Variants in ACSF3 observed in about 807,000 individuals in gnomAD.
The protein encoded by ACSF3 is malonate--CoA ligase ACSF3, mitochondrial.
In ACSF3, 78 loss-of-function variants were observed where a neutral mutation model predicts 53.2. That is an observed-to-expected ratio of 1.47 (90% confidence interval 1.22 to 1.77). The LOEUF (loss-of-function observed/expected upper bound fraction) is 1.77, where lower values mean the gene tolerates loss of function less well. ACSF3 is among the 40% of genes most tolerant of loss of function. ACSF3 has a pLI of 0.00. For missense variants in ACSF3, 937 were observed against 771.1 expected, an observed-to-expected ratio of 1.22 and a Z score of -2.55; for synonymous variants, 414 against 333.1, an observed-to-expected ratio of 1.24 and a Z score of -2.65.
rs983041055 is a variant in ACSF3 at position 89,098,738 on chromosome 16, C to T, written c.-46C>T. On this transcript the variant is annotated 5_prime_UTR_variant, in exon 2 of 11. Coordinates refer to ENST00000614302, the MANE Select transcript of ACSF3 (RefSeq NM_001243279.3). ...CTTGTGAACTGCGAACTTCCCCTTA[C>T]CTCCTCTCTCTGGCTCGGGAGCTGG... 10 of 454,064 alleles carry T rather than the reference C, an allele frequency of 2.2e-5. No homozygotes were observed. Among genetic ancestry groups the T allele is most frequent in the Non-Finnish European group, 4.0e-5 (9 of 226,812 alleles). 28.1% of individuals were successfully genotyped at this position (454,064 alleles called of 1,614,324 possible). A position where few individuals can be genotyped will look rare whatever the true frequency, so the allele number is the denominator to read the frequency against.
intron 6 of ACSF3, among the ~76,000 whole-genome samples, chr16:89,119,719 C>T (rs966035748): frequency 6.6e-6 from 1 of 152,208 alleles, no homozygotes; most frequent in Admixed American, 6.5e-5. Context: ...AGGTGACACT[C>T]CGCACACCAC....
Position 89,132,937 on chromosome 16 carries a change from G to A in ACSF3, c.1240-199G>A, listed in dbSNP as rs72817489. The stretch of plus-strand genomic sequence containing the variant: ...GGCACCAGGGCCCACAGAGGACGGC[G>A]GGAATGCTTAGCTCAGCATGGTTGG... On this transcript the variant is annotated intron_variant, in intron 7 of 10. Transcript: ENST00000614302. Among the ~76,000 whole-genome samples the A allele has an allele frequency of 6.7e-3, 1,017 of 152,364 alleles. 6 individuals carry two copies. The highest frequency in any genetic ancestry group is 9.9e-3 in the Non-Finnish European group (671 of 68,032).
chr16:89,131,945 C>A (rs965574718), intron 7 of ACSF3, among the ~76,000 whole-genome samples: 1 of 152,270 alleles, frequency 6.6e-6, no homozygotes, highest in Admixed American at 6.5e-5. Flanking sequence ...GTCAGCCCCT[C>A]CTGGAGGAGC....
chr16:89,115,063 A>G (rs1567704528), intron 6 of ACSF3: 1 of 217,876 alleles, frequency 4.6e-6, no homozygotes, highest in Non-Finnish European at 9.4e-6. Context: ...CTCCGCTGGG[A>G]CTTCTGGGAA....
rs1976756370 is a variant in ACSF3, at chr16:89,112,122, C to G, written c.853C>G (p.Pro285Ala). 1 of 1,614,106 alleles carries G rather than the reference C, an allele frequency of 6.2e-7. No individual in the cohort carries two copies. The highest frequency in any genetic ancestry group is 1.3e-5 in the African/African-American group (1 of 74,948). Residue 285 changes from proline (P) to alanine (A), a missense_variant, in exon 5 of 11, where the codon CCG (proline) becomes GCG (alanine). Transcript: ENST00000614302. ...VWEKFLSSET[P>A]RINVFMAVPT... The stretch of plus-strand genomic sequence containing the variant: ...GGAAAAGTTCTTAAGTTCTGAAACG[C>G]CGCGGATCAATGTCTTTATGGCAGT...
At chr16:89,142,108 G>T (rs539637619) in intron 8 of ACSF3, among the ~76,000 whole-genome samples, 1 of 152,332 alleles carries the variant, frequency 6.6e-6, no homozygotes, top group Admixed American at 6.5e-5. Flanking sequence ...GCATGGCTCA[G>T]TGGAAACCGT....
chr16:89,132,545 C>T (rs983903604), intron 7 of ACSF3, among the ~76,000 whole-genome samples: 1 of 152,224 alleles, frequency 6.6e-6, no homozygotes, highest in East Asian at 1.9e-4. Flanking sequence ...CATGGCAGTG[C>T]CTGCATGCTT....
chr16:89,118,682 A>G (rs916457975), intron 6 of ACSF3, among the ~76,000 whole-genome samples: 3 of 152,028 alleles, frequency 2.0e-5, no homozygotes, highest in East Asian at 1.9e-4. Flanking sequence ...GCCTCGTCAC[A>G]CTCTAATTGG....
Position 89,146,058 on chromosome 16 carries a change from G to A in ACSF3, c.1613+9G>A. On this transcript the variant is annotated intron_variant, in intron 10 of 10. Coordinates refer to ENST00000614302, the MANE Select transcript of ACSF3 (RefSeq NM_001243279.3). Reference sequence around the variant, plus strand: ...CTCAAAGAGTGGGCCAGGTAGGGCTGGGTGGGGCGGGCAGGGAGCACTCAT... The same window carrying A: ...CTCAAAGAGTGGGCCAGGTAGGGCTAGGTGGGGCGGGCAGGGAGCACTCAT... 1 of 1,532,118 alleles carries A rather than the reference G, an allele frequency of 6.5e-7. No homozygotes were observed. Among genetic ancestry groups the A allele is most frequent in the Non-Finnish European group, 9.0e-7 (1 of 1,106,710 alleles). The allele number at this position is 1,532,118 out of a possible 1,614,324, so 94.9% of individuals were successfully genotyped here. A position where few individuals can be genotyped will look rare whatever the true frequency, so the allele number is the denominator to read the frequency against.
At chr16:89,118,495 T>C (rs1432167564) in intron 6 of ACSF3, among the ~76,000 whole-genome samples, 3 of 152,166 alleles carry the variant, frequency 2.0e-5, no homozygotes, top group Non-Finnish European at 2.9e-5. Context: ...GACCCTTGGG[T>C]CGGCTCCAGC....
intron 1 of ACSF3, among the ~76,000 whole-genome samples, chr16:89,096,993 C>T (rs548028414): frequency 6.6e-6 from 1 of 150,398 alleles, no homozygotes; most frequent in East Asian, 1.9e-4. Context: ...TTTGAGTTTG[C>T]CCAGCCCAGC....
At chr16:89,128,473 TG>T (rs1908611221) in intron 7 of ACSF3, among the ~76,000 whole-genome samples, 1 of 152,072 alleles carries the variant, frequency 6.6e-6, no homozygotes, top group Admixed American at 6.6e-5. Context: ...TTGGTCAGGC[TG>T]GTTTCGAACT....
chr16:89,120,748 C>T (rs1388962641), intron 6 of ACSF3, 53 bp from the exon 7 acceptor site: 25 of 1,550,266 alleles, frequency 1.6e-5, no homozygotes, highest in East Asian at 6.7e-5. Context: ...TGCTTCTCTC[C>T]TCCAGGTTCC....
rs1389665997 is a variant in ACSF3 at position 89,155,933 on chromosome 16, AC to A, written c.*1728del. On this transcript the variant is annotated 3_prime_UTR_variant, in exon 11 of 11. Transcript: ENST00000614302. ...ACTACAGAAAGCCTGGAGCTCATTG[AC>A]CAGAAACTGCAGAGAGCCTGGAGCT... 1 of 368,018 alleles carries A rather than the reference AC, an allele frequency of 2.7e-6. No homozygotes were observed. The highest frequency in any genetic ancestry group is 7.2e-5 in the East Asian group (1 of 13,848). 22.8% of individuals were successfully genotyped at this position (368,018 alleles called of 1,614,324 possible). A position where few individuals can be genotyped will look rare whatever the true frequency, so the allele number is the denominator to read the frequency against.
chr16:89,151,103 C>T (rs1597272198), intron 10 of ACSF3: 3 of 1,232,192 alleles, frequency 2.4e-6, no homozygotes, highest in Non-Finnish European at 3.2e-6. Flanking sequence ...TCGCCTCAGG[C>T]ATGCGGGCTC....
chr16:89,100,995 A>AC lies in ACSF3; in HGVS notation c.314_315insC (p.Ala106CysfsTer164). The AC allele has an allele frequency of 6.2e-7, 1 of 1,613,482 alleles. No homozygotes were observed. Among genetic ancestry groups the AC allele is most frequent in the Non-Finnish European group, 8.5e-7 (1 of 1,179,688 alleles). On this transcript the variant is annotated frameshift_variant, in exon 3 of 11. Coordinates refer to ENST00000614302, the MANE Select transcript of ACSF3 (RefSeq NM_001243279.3). LOFTEE classifies it high-confidence loss of function. Reference sequence around the variant, plus strand: ...AGGGTCTCCTTCCTATGCGCTAACGATGCCTCCTACGTCGTGGCCCAGTGG... The same window carrying AC: ...AGGGTCTCCTTCCTATGCGCTAACGACTGCCTCCTACGTCGTGGCCCAGTGG...
chr16:89,095,702 T>C (rs1974533165), intron 1 of ACSF3, among the ~76,000 whole-genome samples: 1 of 152,206 alleles, frequency 6.6e-6, no homozygotes, highest in Admixed American at 6.5e-5. Flanking sequence ...TCTCATCTAG[T>C]AATTTTTGTT....
In ACSF3 at chr16:89,112,246, G is replaced by A. The variant is rs1448305473; in HGVS notation, c.977G>A (p.Arg326Lys). 19 of 1,614,062 alleles carry A rather than the reference G, an allele frequency of 1.2e-5. No individual in the cohort carries two copies. The highest frequency in any genetic ancestry group is 1.5e-5 in the Non-Finnish European group (18 of 1,180,002). ...CGTGCAGTTTGTGAAGAAAAAATTA[G>A]GTAAGTGAAAAGAGCCCACTTTCTC... is the stretch of plus-strand genomic sequence containing the variant. ...FLRAVCEEKI[R>K]LMVSGSAALP... The change falls in exon 5 of 11, where the codon AGG (arginine) becomes AAG (lysine). Residue 326 changes from arginine (R) to lysine (K), a missense_variant and splice_region_variant. Arg to Lys is a conservative substitution (Grantham distance 26). Transcript: ENST00000614302.
chr16:89,117,896 G>A (rs1463785070), intron 6 of ACSF3, among the ~76,000 whole-genome samples: 3 of 152,294 alleles, frequency 2.0e-5, no homozygotes, highest in South Asian at 2.1e-4. Context: ...AGCTACCGAC[G>A]GCAGGTTCCC....
Sources: gnomAD v4.1 joint callset for allele counts (sites outside exome capture counted in the v4.1 genomes callset) on GRCh38, gnomAD v4.1.1 for gene constraint, MANE v1.5 for transcripts, NCBI Gene and HGNC (gene_info 2026-07-23, HGNC 2026-07-21) for gene names.